CNTNAP2: variants seen among roughly 807,000 people sequenced by gnomAD.
CNTNAP2 encodes contactin-associated protein-like 2.
Under a neutral mutation model 155.2 loss-of-function variants are expected in CNTNAP2, and 98 were observed. The observed-to-expected ratio is 0.63, with a 90% CI of 0.54 to 0.75. The LOEUF is 0.75. Ranked by LOEUF, CNTNAP2 falls within the 30% of genes least tolerant of loss-of-function variation. The pLI, the probability that CNTNAP2 is intolerant of heterozygous loss-of-function variation, is 0.00. For synonymous variants in CNTNAP2, 651 were observed against 631.2 expected, an observed-to-expected ratio of 1.03 and a Z score of -0.47; for missense variants, 1,727 against 1,688.1, an observed-to-expected ratio of 1.02 and a Z score of -0.40.
intron 2 of CNTNAP2, among the ~76,000 whole-genome samples, chr7:146,835,008 T>C (rs934764809): frequency 6.6e-5 from 10 of 152,188 alleles, no homozygotes; most frequent in African/African-American, 2.2e-4. Flanking sequence ...GACTGACTTT[T>C]GCCCTCCCCT....
chr7:147,141,181 A>T (rs1801587280), intron 8 of CNTNAP2, among the ~76,000 whole-genome samples: 3 of 152,130 alleles, frequency 2.0e-5, no homozygotes, highest in Admixed American at 2.0e-4. Context: ...ACTTTGAGAA[A>T]AATCAAATTT....
intron 12 of CNTNAP2, among the ~76,000 whole-genome samples, chr7:147,630,180 C>T (rs1795059043): frequency 6.6e-6 from 1 of 151,688 alleles, no homozygotes; most frequent in Non-Finnish European, 1.5e-5. Context: ...TTCAAGGCTA[C>T]TATGAACACA....
In CNTNAP2 at chr7:146,585,803, A is replaced by AGGAG. The variant is rs1175410420; in HGVS notation, c.98-188456_98-188453dup. On this transcript the variant is annotated intron_variant, in intron 1 of 23. Transcript: ENST00000361727. ...GGAAAGAAGGGGAGGGAAGGAAGGA[A>AGGAG]GGAGGGAGGGAGGGAAGGAATGAGA... Among the ~76,000 whole-genome samples the AGGAG allele has an allele frequency of 5.4e-5, 8 of 149,072 alleles. No individual in the cohort carries two copies. In the East Asian group the frequency reaches 1.4e-3, roughly 27 times the overall value.
At chr7:147,838,844 T>G (rs1333817252) in intron 13 of CNTNAP2, among the ~76,000 whole-genome samples, 1 of 152,206 alleles carries the variant, frequency 6.6e-6, no homozygotes, top group African/African-American at 2.4e-5. Context: ...TGCTTCCACA[T>G]TTTTTGGTAT....
intron 1 of CNTNAP2, among the ~76,000 whole-genome samples, chr7:146,717,545 A>T (rs1440279105): frequency 6.6e-6 from 1 of 152,054 alleles, no homozygotes; most frequent in Non-Finnish European, 1.5e-5. Context: ...GAAGCATCTG[A>T]CAATAATTTC....
At chr7:148,196,140 C>T (rs1231121867) in intron 18 of CNTNAP2, among the ~76,000 whole-genome samples, 2 of 152,136 alleles carry the variant, frequency 1.3e-5, no homozygotes, top group Non-Finnish European at 2.9e-5. Flanking sequence ...TTTGCACACA[C>T]GTCAGATTAA....
At chr7:147,507,108 G>C (rs962015605) in intron 11 of CNTNAP2, among the ~76,000 whole-genome samples, 3 of 152,030 alleles carry the variant, frequency 2.0e-5, no homozygotes, top group Admixed American at 6.6e-5. Context: ...CATTACCATG[G>C]ATCTCCATTT....
At chr7:148,106,053 A>T (rs1804210291) in intron 15 of CNTNAP2, among the ~76,000 whole-genome samples, 2 of 152,176 alleles carry the variant, frequency 1.3e-5, no homozygotes, top group Non-Finnish European at 2.9e-5. Context: ...CACAGCACAG[A>T]CTATTTAGAA....
intron 1 of CNTNAP2, among the ~76,000 whole-genome samples, chr7:146,198,486 ATTTG>A (rs1280161057): frequency 6.6e-6 from 1 of 152,146 alleles, no homozygotes; most frequent in African/African-American, 2.4e-5. Flanking sequence ...TGTGCCTCCC[ATTTG>A]TTTAATTGGG....
chr7:147,283,637 TTC>T (rs1805104587), intron 8 of CNTNAP2, among the ~76,000 whole-genome samples: 1 of 151,942 alleles, frequency 6.6e-6, no homozygotes, highest in African/African-American at 2.4e-5. Flanking sequence ...CTACCAGAAA[TTC>T]TCTCACATAA....
At chr7:147,018,713 T>C (rs965222727) in intron 3 of CNTNAP2, among the ~76,000 whole-genome samples, 2 of 152,034 alleles carry the variant, frequency 1.3e-5, no homozygotes, top group African/African-American at 4.8e-5. Flanking sequence ...CATGAGCCAG[T>C]TAAACAAATA....
At chr7:148,099,790 C>T (rs1804056288) in intron 15 of CNTNAP2, among the ~76,000 whole-genome samples, 1 of 151,570 alleles carries the variant, frequency 6.6e-6, no homozygotes, top group Non-Finnish European at 1.5e-5. Context: ...TCCCAGGGCC[C>T]TCGCTTCTCT....
chr7:146,290,733 C>T (rs919217807), intron 1 of CNTNAP2, among the ~76,000 whole-genome samples: 5 of 152,190 alleles, frequency 3.3e-5, no homozygotes, highest in African/African-American at 1.2e-4. Context: ...ACACTTTGAA[C>T]ATCATCAGGT....
chr7:147,450,899 C>T (rs1157689273), intron 10 of CNTNAP2, among the ~76,000 whole-genome samples: 1 of 152,146 alleles, frequency 6.6e-6, no homozygotes, highest in Non-Finnish European at 1.5e-5. Flanking sequence ...TCCTTATATT[C>T]TCAGTACCTA....
At chr7:147,386,886 C>T (rs1796634363) in intron 9 of CNTNAP2, among the ~76,000 whole-genome samples, 1 of 152,062 alleles carries the variant, frequency 6.6e-6, no homozygotes, top group Admixed American at 6.6e-5. Flanking sequence ...GGCAATTTAC[C>T]AAAGAAAGAG....
intron 15 of CNTNAP2, among the ~76,000 whole-genome samples, chr7:148,022,480 A>AAAAAAAGAAAAAAAG (rs1554463127): frequency 7.2e-6 from 1 of 138,286 alleles, no homozygotes; most frequent in African/African-American, 2.7e-5. Context: ...AAAAAAAAAA[A>AAAAAAAGAAAAAAAG]AAAAGAAAAG....
At chr7:146,770,557 A>T (rs1053180285) in intron 1 of CNTNAP2, among the ~76,000 whole-genome samples, 3 of 149,976 alleles carry the variant, frequency 2.0e-5, no homozygotes, top group Admixed American at 6.6e-5. Flanking sequence ...AGTCACCTTT[A>T]AAAAAAATTG....
chr7:147,783,095 G>A (rs117926521), intron 13 of CNTNAP2, among the ~76,000 whole-genome samples: 1,779 of 152,168 alleles, frequency 0.012, 21 homozygotes, highest in Non-Finnish European at 0.015. Flanking sequence ...ATGAAATAAC[G>A]TAGTTTTCAC....
intron 1 of CNTNAP2, among the ~76,000 whole-genome samples, chr7:146,354,920 G>A (rs6962126): frequency 0.51 from 77,324 of 152,040 alleles, 23,848 homozygotes; most frequent in African/African-American, 0.87. Flanking sequence ...TGTATTTTGA[G>A]TGGTGTAGTT....
Sources: allele counts gnomAD v4.1 joint callset (sites outside exome capture counted in the v4.1 genomes callset), GRCh38; gene constraint gnomAD v4.1.1; transcripts MANE v1.5; gene names NCBI Gene and HGNC (gene_info 2026-07-23, HGNC 2026-07-21).